The following KTN1 variants were observed in gnomAD, a reference collection of about 807,000 sequenced individuals.
The protein encoded by KTN1 is kinectin.
In KTN1, 130 loss-of-function variants were observed where a neutral mutation model predicts 222.5. The observed-to-expected ratio is 0.58, with a 90% CI of 0.51 to 0.68. The LOEUF (loss-of-function observed/expected upper bound fraction) is 0.68. Ranked by LOEUF, KTN1 falls within the 30% of genes least tolerant of loss-of-function variation. The pLI is 0.00. For missense variants in KTN1, 1,508 were observed against 1,500.4 expected, an observed-to-expected ratio of 1.01 and a Z score of -0.08; for synonymous variants, 512 against 496.3, an observed-to-expected ratio of 1.03 and a Z score of -0.42.
chr14:55,593,304 C>G (rs1036669521), intron 1 of KTN1, among the ~76,000 whole-genome samples: 1 of 151,844 alleles, frequency 6.6e-6, no homozygotes, highest in Non-Finnish European at 1.5e-5. Flanking sequence ...CATTAAATTT[C>G]TTGCTATGTT....
intron 37 of KTN1, 192 bp from the exon 38 acceptor site, chr14:55,672,438 G>A (rs570051415): frequency 3.2e-4 from 157 of 485,718 alleles, no homozygotes; most frequent in Admixed American, 9.2e-4. Flanking sequence ...TATACAAATG[G>A]AGTAGGTTTG....
chr14:55,622,319 G>GA (rs1168318482), intron 5 of KTN1, among the ~76,000 whole-genome samples: 3 of 152,096 alleles, frequency 2.0e-5, no homozygotes, highest in Non-Finnish European at 2.9e-5. Flanking sequence ...TTGTGGGGGG[G>GA]ATGTGTGTGT....
At chr14:55,633,191 A>G (rs1264832637) in intron 7 of KTN1, 44 bp from the exon 8 acceptor site, 3 of 1,060,794 alleles carry the variant, frequency 2.8e-6, no homozygotes, top group Non-Finnish European at 4.1e-6. Context: ...GTTAGCTTTG[A>G]CAGTCTTTGT....
chr14:55,642,062 G>T (rs373370711), intron 18 of KTN1, among the ~76,000 whole-genome samples: 4 of 152,278 alleles, frequency 2.6e-5, no homozygotes, highest in Non-Finnish European at 4.4e-5. Context: ...CTTAGACTTG[G>T]AGCCTCAGCT....
At chr14:55,615,113 G>T (rs956607455) in intron 2 of KTN1, among the ~76,000 whole-genome samples, 2 of 152,126 alleles carry the variant, frequency 1.3e-5, no homozygotes, top group African/African-American at 4.8e-5. Flanking sequence ...TACCGCAAAG[G>T]AATATTTCAA....
At chr14:55,663,900 G>A (rs926198792) in intron 32 of KTN1, 55 bp from the exon 33 acceptor site, 2 of 1,387,850 alleles carry the variant, frequency 1.4e-6, no homozygotes, top group South Asian at 2.5e-5. Context: ...AAGTAAAAAA[G>A]CAAAAATCTT....
chr14:55,643,927 A>C (rs1455301649), intron 18 of KTN1, among the ~76,000 whole-genome samples: 1 of 152,148 alleles, frequency 6.6e-6, no homozygotes, highest in East Asian at 1.9e-4. Context: ...ATGAAGAATA[A>C]TTCACAGGAT....
At chr14:55,640,033 AT>A in intron 14 of KTN1, 30 bp downstream of exon 14, 1 of 1,279,558 alleles carries the variant, frequency 7.8e-7, no homozygotes, top group Non-Finnish European at 1.1e-6. Context: ...TGGCTGCAAT[AT>A]TTTACAGAAC....
At chr14:55,634,182 A>G (rs998417563) in intron 8 of KTN1, among the ~76,000 whole-genome samples, 2 of 152,094 alleles carry the variant, frequency 1.3e-5, no homozygotes, top group Admixed American at 6.6e-5. Flanking sequence ...CTGAGGCCAT[A>G]CTTTGAGAAA....
chr14:55,589,026 T>TC (rs1334985923), intron 1 of KTN1, among the ~76,000 whole-genome samples: 2 of 152,198 alleles, frequency 1.3e-5, no homozygotes, highest in African/African-American at 4.8e-5. Flanking sequence ...CCCATAGTGT[T>TC]CAAAGGTCAG....
chr14:55,643,350 G>T (rs2041986004), intron 18 of KTN1, among the ~76,000 whole-genome samples: 1 of 151,830 alleles, frequency 6.6e-6, no homozygotes. Flanking sequence ...TTACAGTTTA[G>T]TTGTTTAGTT....
chr14:55,598,666 T>A (rs2035475410), intron 1 of KTN1, among the ~76,000 whole-genome samples: 1 of 152,236 alleles, frequency 6.6e-6, no homozygotes, highest in South Asian at 2.1e-4. Context: ...TCTAGAATTC[T>A]GTGGCAATTA....
chr14:55,642,219 A>G (rs1160283464), intron 18 of KTN1, among the ~76,000 whole-genome samples: 1 of 152,142 alleles, frequency 6.6e-6, no homozygotes, highest in Non-Finnish European at 1.5e-5. Flanking sequence ...TTTACACCAT[A>G]AAGTTGTTAG....
At chr14:55,679,271 T>C (rs12587705) in intron 42 of KTN1, 69,931 of 266,980 alleles carry the variant, frequency 0.26, 9,588 homozygotes, top group South Asian at 0.32. Flanking sequence ...AAATTTTCTT[T>C]TTCTGAAAGA....
chr14:55,636,718 A>C (rs2041166088), intron 10 of KTN1, among the ~76,000 whole-genome samples, 182 bp downstream of exon 10: 1 of 152,132 alleles, frequency 6.6e-6, no homozygotes, highest in Non-Finnish European at 1.5e-5. Flanking sequence ...TAAGTTACCT[A>C]CTAGCTTTGC....
intron 4 of KTN1, 111 bp downstream of exon 4, chr14:55,618,245 A>G (rs2038664803): frequency 5.0e-6 from 4 of 792,788 alleles, no homozygotes; most frequent in African/African-American, 3.6e-5. Context: ...AAAAGAATCA[A>G]ATCCTTGTGG....
In KTN1 at chr14:55,641,516, G is replaced by A. The variant is rs138455932; in HGVS notation, c.2104-176G>A. 3.3e-3 allele frequency among the ~76,000 whole-genome samples: 498 copies of A among 152,206 alleles called. 3 individuals carry two copies. The highest frequency in any genetic ancestry group is 7.9e-3 in the African/African-American group (327 of 41,558). ...CTAGTTTCTGGTCATGGCCAACCAA[G>A]TGCTAGGGTGCATCTCTGTGTCCAG... On this transcript the variant is annotated intron_variant, in intron 17 of 43. Transcript: ENST00000395314.
intron 7 of KTN1, 28 bp downstream of exon 7, chr14:55,630,125 T>G: frequency 6.2e-7 from 1 of 1,602,274 alleles, no homozygotes. Flanking sequence ...GGAAACAAGA[T>G]GAAATGGTTG....
intron 41 of KTN1, among the ~76,000 whole-genome samples, chr14:55,677,840 AG>A (rs1205769387): frequency 6.6e-6 from 1 of 152,178 alleles, no homozygotes; most frequent in Non-Finnish European, 1.5e-5. Context: ...CTGGGATTAC[AG>A]GCATGTGCCA....
Sources: allele counts gnomAD v4.1 joint callset (sites outside exome capture counted in the v4.1 genomes callset), GRCh38; gene constraint gnomAD v4.1.1; transcripts MANE v1.5; gene names NCBI Gene and HGNC (gene_info 2026-07-23, HGNC 2026-07-21).